BCAS3: variants seen among roughly 807,000 people sequenced by gnomAD.
BCAS3 encodes BCAS3 microtubule associated cell migration factor.
A neutral mutation model predicts 116.1 loss-of-function variants in BCAS3; 53 were observed. That is an observed-to-expected ratio of 0.46 (90% CI 0.37 to 0.57). BCAS3 has a LOEUF of 0.57. BCAS3 is among the 20% of genes least tolerant of loss of function. The pLI, the probability that BCAS3 is intolerant of heterozygous loss-of-function variation, is 0.00. For missense variants in BCAS3, 917 were observed against 1,165.4 expected (o/e 0.79, Z 3.10); for synonymous variants, 391 against 408.2 (o/e 0.96, Z 0.51).
At chr17:61,070,065 T>C in intron 19 of BCAS3, 1 of 1,588,534 alleles carries the variant, frequency 6.3e-7, no homozygotes, top group Non-Finnish European at 8.6e-7. Flanking sequence ...GGAAGAGCGC[T>C]CCCAGGAGAA....
In BCAS3 at chr17:61,139,439, C is replaced by T. The variant is rs181615712; in HGVS notation, c.2425+54875C>T. On this transcript the variant is annotated intron_variant, in intron 22 of 23. Coordinates refer to ENST00000407086, the MANE Select transcript of BCAS3 (RefSeq NM_017679.5). The surrounding 1 kb of genome is among the most constrained non-coding windows in gnomAD (Gnocchi z 4.7). Reference sequence around the variant, plus strand: ...TTCCTTCTTCAGTTTCTCAGTCTGTCGAGAGAGCATGGCTGCACCCTGTGC... The same window carrying T: ...TTCCTTCTTCAGTTTCTCAGTCTGTTGAGAGAGCATGGCTGCACCCTGTGC... Among the ~76,000 whole-genome samples, 14 of 152,268 alleles carry T rather than the reference C, an allele frequency of 9.2e-5. No homozygotes were observed. Among genetic ancestry groups the T allele is most frequent in the Admixed American group, 7.8e-4 (12 of 15,292 alleles).
intron 22 of BCAS3, among the ~76,000 whole-genome samples, chr17:61,197,291 C>A (rs2080537364): frequency 6.6e-6 from 1 of 152,162 alleles, no homozygotes; most frequent in Non-Finnish European, 1.5e-5. Flanking sequence ...GAGAGTTCTG[C>A]TGAAGCCAAA....
rs886168302 is a variant in BCAS3, at chr17:61,315,036, G to A, written c.2426-53291G>A. On this transcript the variant is annotated intron_variant, in intron 22 of 23. Transcript: ENST00000407086. The surrounding 1 kb of genome is among the most constrained non-coding windows in gnomAD (Gnocchi z 5.3). ...ACCCATCCGAGGAACAGTGTGCCTG[G>A]AAAATGCCTTGAATCCTCTCCCCAG... Among the ~76,000 whole-genome samples, 2 of 152,098 alleles carry A rather than the reference G, an allele frequency of 1.3e-5. No individual in the cohort carries two copies. The highest frequency in any genetic ancestry group is 6.6e-5 in the Admixed American group (1 of 15,266).
At chr17:61,212,270 G>A (rs73326852) in intron 22 of BCAS3, among the ~76,000 whole-genome samples, 4 of 151,830 alleles carry the variant, frequency 2.6e-5, no homozygotes, top group Admixed American at 6.6e-5. Flanking sequence ...TAGCGTCTCC[G>A]TCTGTCACCC....
rs965847869 is a variant in BCAS3, at chr17:60,964,874, C to A, written c.1221+17522C>A. 1.4e-4 allele frequency among the ~76,000 whole-genome samples: 22 copies of A among 151,938 alleles called. No homozygotes were observed. The highest frequency in any genetic ancestry group is 4.6e-4 in the African/African-American group (19 of 41,398). On this transcript the variant is annotated intron_variant, in intron 14 of 23. Transcript: ENST00000407086. The surrounding 1 kb of genome is among the most constrained non-coding windows in gnomAD (Gnocchi z 4.6). ...TAATGATTTTTTGTGTTTCTGAGGT[C>A]TCAGTTGTTATGTGTCCTTTCTTTG...
intron 14 of BCAS3, among the ~76,000 whole-genome samples, chr17:60,948,218 C>T (rs1300043195): frequency 2.0e-5 from 3 of 152,014 alleles, no homozygotes; most frequent in Non-Finnish European, 4.4e-5. Context: ...GAGCAATTTT[C>T]CTGCCTCAGC....
chr17:61,128,728 G>C lies in BCAS3; in HGVS notation c.2425+44164G>C. 3 of 544,636 alleles carry C rather than the reference G, an allele frequency of 5.5e-6. No homozygotes were observed. Among genetic ancestry groups the C allele is most frequent in the Non-Finnish European group, 7.0e-6 (3 of 427,662 alleles). 33.7% of individuals were successfully genotyped at this position (544,636 alleles called of 1,614,324 possible). A position where few individuals can be genotyped will look rare whatever the true frequency, so the allele number is the denominator to read the frequency against. Reference sequence around the variant, plus strand: ...GGCAGTCGTCTCACAACATGATTTTGCATTTACATCATCGTGCTAGCTGGT... The same window carrying C: ...GGCAGTCGTCTCACAACATGATTTTCCATTTACATCATCGTGCTAGCTGGT... On this transcript the variant is annotated intron_variant, in intron 22 of 23. Coordinates refer to ENST00000407086, the MANE Select transcript of BCAS3 (RefSeq NM_017679.5). This position sits in a 1 kb window ranked among gnomAD's most constrained non-coding sequence, Gnocchi z 4.1.
intron 2 of BCAS3, among the ~76,000 whole-genome samples, chr17:60,681,849 C>T (rs2033185787): frequency 6.6e-6 from 1 of 152,176 alleles, no homozygotes. Context: ...CCTGCCTCAG[C>T]CTCCCGATTA....
At position 61,105,021 on chromosome 17, in the gene BCAS3, G is replaced by A. The variant is rs751734993; in HGVS notation, c.2425+20457G>A. Among the ~76,000 whole-genome samples the A allele has an allele frequency of 2.0e-5, 3 of 152,172 alleles. No homozygotes were observed. Among genetic ancestry groups the A allele is most frequent in the African/African-American group, 7.2e-5 (3 of 41,434 alleles). On this transcript the variant is annotated intron_variant, in intron 22 of 23. Coordinates refer to ENST00000407086, the MANE Select transcript of BCAS3 (RefSeq NM_017679.5). This position sits in a 1 kb window ranked among gnomAD's most constrained non-coding sequence, Gnocchi z 4.3. The stretch of plus-strand genomic sequence containing the variant: ...GTAATACATACTTCAGGTAACCTCC[G>A]TGGGTTTCCTCACTGCTGTTGGCTC...
chr17:61,296,109 A>G (rs1192914637), intron 22 of BCAS3, among the ~76,000 whole-genome samples: 11 of 152,188 alleles, frequency 7.2e-5, no homozygotes, highest in Admixed American at 7.2e-4. Flanking sequence ...ATTTAGAAAA[A>G]TATTTCCAAA....
chr17:61,190,970 C>T (rs1011821525), intron 22 of BCAS3, among the ~76,000 whole-genome samples: 2 of 152,236 alleles, frequency 1.3e-5, no homozygotes, highest in African/African-American at 4.8e-5. Context: ...ACTCAAAAGA[C>T]TGAGGCAGGA....
chr17:61,253,539 T>A (rs1333658745), intron 22 of BCAS3, among the ~76,000 whole-genome samples: 2 of 152,198 alleles, frequency 1.3e-5, no homozygotes, highest in East Asian at 3.9e-4. Flanking sequence ...TTTCTACAGT[T>A]GCTACATCAG....
chr17:60,924,227 C>T (rs576219123), intron 12 of BCAS3, among the ~76,000 whole-genome samples, 180 bp from the exon 13 acceptor site: 17 of 152,258 alleles, frequency 1.1e-4, no homozygotes, highest in South Asian at 6.2e-4. Flanking sequence ...TGCGTGGGGG[C>T]ATGTTATATC....
Position 60,717,217 on chromosome 17 carries a change from C to CT in BCAS3, c.321+7906dup, listed in dbSNP as rs568833782. 2.7e-3 allele frequency among the ~76,000 whole-genome samples: 366 copies of CT among 133,886 alleles called. 1 individual carries two copies. Among genetic ancestry groups the CT allele is most frequent in the African/African-American group, 5.7e-3 (180 of 31,698 alleles). 87.8% of individuals were successfully genotyped at this position (133,886 alleles called of 152,430 possible). ...TTTTTCTTTTCTTCTTCTTCTTCTT[C>CT]TTTTTTTTTTTTTTGTGAGACAGAG... On this transcript the variant is annotated intron_variant, in intron 5 of 23. Coordinates refer to ENST00000407086, the MANE Select transcript of BCAS3 (RefSeq NM_017679.5).
intron 6 of BCAS3, among the ~76,000 whole-genome samples, chr17:60,767,943 G>A (rs932655099): frequency 2.0e-5 from 3 of 152,132 alleles, no homozygotes; most frequent in African/African-American, 7.2e-5. Flanking sequence ...TGGAATGACA[G>A]GCATGTGCCA....
At chr17:60,762,059 T>C (rs1410825217) in intron 6 of BCAS3, among the ~76,000 whole-genome samples, 1 of 152,092 alleles carries the variant, frequency 6.6e-6, no homozygotes, top group Non-Finnish European at 1.5e-5. Flanking sequence ...GGTTGTTTGA[T>C]TTTTTTCTTG....
intron 22 of BCAS3, among the ~76,000 whole-genome samples, chr17:61,291,719 T>C (rs2052428469): frequency 6.6e-6 from 1 of 152,192 alleles, no homozygotes; most frequent in Admixed American, 6.5e-5. Flanking sequence ...TTAGGATGGT[T>C]GCCCAGTTTT....
chr17:60,697,442 G>T (rs1019816266), intron 4 of BCAS3, among the ~76,000 whole-genome samples: 1 of 152,000 alleles, frequency 6.6e-6, no homozygotes, highest in East Asian at 1.9e-4. Context: ...AATAAGCTGG[G>T]CATGGTGGCA....
At chr17:60,948,237 C>A (rs2060632510) in intron 14 of BCAS3, among the ~76,000 whole-genome samples, 1 of 151,820 alleles carries the variant, frequency 6.6e-6, no homozygotes, top group Admixed American at 6.6e-5. Context: ...GCCTCCCAAC[C>A]AGCTGAGATT....
Sources: allele counts gnomAD v4.1 joint callset (sites outside exome capture counted in the v4.1 genomes callset), GRCh38; gene constraint gnomAD v4.1.1; non-coding constraint Gnocchi (gnomAD v3.1); transcripts MANE v1.5; gene names NCBI Gene and HGNC (gene_info 2026-07-23, HGNC 2026-07-21).